Variants in DOCK4 observed in about 807,000 individuals in gnomAD.
DOCK4 encodes dedicator of cytokinesis protein 4.
A neutral mutation model predicts 268.1 loss-of-function variants in DOCK4; 97 were observed. The observed-to-expected ratio is 0.36, with a 90% CI of 0.31 to 0.43. The LOEUF (loss-of-function observed/expected upper bound fraction) is 0.43. Ranked by LOEUF, DOCK4 falls within the 20% of genes least tolerant of loss-of-function variation. The pLI, the probability that DOCK4 is intolerant of heterozygous loss-of-function variation, is 1.00. For missense variants in DOCK4, 2,145 were observed against 2,455.7 expected, an observed-to-expected ratio of 0.87 and a Z score of 2.67; for synonymous variants, 954 against 887.2, an observed-to-expected ratio of 1.08 and a Z score of -1.34.
At chr7:112,115,007 G>A (rs1563098493) in intron 1 of DOCK4, among the ~76,000 whole-genome samples, 1 of 152,052 alleles carries the variant, frequency 6.6e-6, no homozygotes, top group Non-Finnish European at 1.5e-5. Context: ...TTCCCAACAG[G>A]CCTGCCTCTC....
intron 37 of DOCK4, 109 bp from the exon 38 acceptor site, chr7:111,767,227 C>CA: frequency 1.1e-5 from 5 of 464,820 alleles, no homozygotes; most frequent in Non-Finnish European, 1.8e-5. Context: ...ACTCCTTAAT[C>CA]TTTTTTTTTT....
chr7:111,983,048 T>C (rs1162101760), intron 7 of DOCK4, among the ~76,000 whole-genome samples: 1 of 152,126 alleles, frequency 6.6e-6, no homozygotes, highest in Non-Finnish European at 1.5e-5. Flanking sequence ...TGTTTAGTAC[T>C]GATGTCATGA....
At chr7:111,809,272 T>G in intron 29 of DOCK4, 29 bp downstream of exon 29, 1 of 1,495,366 alleles carries the variant, frequency 6.7e-7, no homozygotes, top group Non-Finnish European at 9.1e-7. Context: ...GAGGCAACAT[T>G]TCTCACCTGA....
At chr7:112,010,660 C>G (rs972267222) in intron 1 of DOCK4, among the ~76,000 whole-genome samples, 2 of 152,200 alleles carry the variant, frequency 1.3e-5, no homozygotes. Flanking sequence ...ACACACCTTG[C>G]AGGCTCACCT....
At chr7:112,096,047 C>T (rs1382674145) in intron 1 of DOCK4, among the ~76,000 whole-genome samples, 1 of 152,136 alleles carries the variant, frequency 6.6e-6, no homozygotes, top group African/African-American at 2.4e-5. Flanking sequence ...TGAGATTGCA[C>T]CATTGCACTC....
rs763682163 is a variant in DOCK4 at position 111,984,408 on chromosome 7, A to C, written c.465-18T>G. 7.5e-6 allele frequency: 12 copies of C among 1,604,862 alleles called. No individual in the cohort carries two copies. The highest frequency in any genetic ancestry group is 9.4e-6 in the Non-Finnish European group (11 of 1,175,610). On this transcript the variant is annotated intron_variant, in intron 6 of 52. Coordinates refer to ENST00000428084, the MANE Select transcript of DOCK4 (RefSeq NM_001363540.2). Reference sequence around the variant, plus strand: ...CCAGTTGTCTAGAAAACAAATTGCAAAAGTTTGGGGGAAAAGTTACCTCCA... The same window carrying C: ...CCAGTTGTCTAGAAAACAAATTGCACAAGTTTGGGGGAAAAGTTACCTCCA...
chr7:112,097,417 T>G (rs144932589), intron 1 of DOCK4, among the ~76,000 whole-genome samples: 1 of 151,978 alleles, frequency 6.6e-6, no homozygotes, highest in Non-Finnish European at 1.5e-5. Flanking sequence ...CTACGTTTTT[T>G]TTTTTAAGTT....
At chr7:111,884,763 A>T (rs764268873) in intron 16 of DOCK4, among the ~76,000 whole-genome samples, 34 of 152,152 alleles carry the variant, frequency 2.2e-4, no homozygotes, top group Non-Finnish European at 4.9e-4. Flanking sequence ...ATAACACAGG[A>T]GCTTAGGAAC....
At chr7:112,023,283 C>T (rs550394209) in intron 1 of DOCK4, among the ~76,000 whole-genome samples, 3 of 152,264 alleles carry the variant, frequency 2.0e-5, no homozygotes, top group South Asian at 4.1e-4. Flanking sequence ...CTCTACAAAG[C>T]TGAGGGAAGC....
Position 111,929,076 on chromosome 7 carries a change from C to T in DOCK4, c.1066+6464G>A, listed in dbSNP as rs183536939. On this transcript the variant is annotated intron_variant, in intron 12 of 52. Coordinates refer to ENST00000428084, the MANE Select transcript of DOCK4 (RefSeq NM_001363540.2). ...ATGTCTGCAATTTGTTCTCAGGCAG[C>T]TCAGGAAAAGAAATGTATATATGTA... 2.6e-5 allele frequency among the ~76,000 whole-genome samples: 4 copies of T among 152,022 alleles called. No individual in the cohort carries two copies. The East Asian group carries it at 7.7e-4, about 29-fold the overall frequency.
At chr7:112,060,413 G>T (rs939189830) in intron 1 of DOCK4, among the ~76,000 whole-genome samples, 3 of 152,062 alleles carry the variant, frequency 2.0e-5, no homozygotes, top group African/African-American at 7.2e-5. Flanking sequence ...TAGTATAATG[G>T]TTCCTCAAAA....
intron 9 of DOCK4, 67 bp downstream of exon 9, chr7:111,945,650 T>C: frequency 7.6e-7 from 1 of 1,321,204 alleles, no homozygotes; most frequent in Non-Finnish European, 1.0e-6. Flanking sequence ...CAGTAATTTA[T>C]TTCTCCTAAA....
chr7:111,773,400 TA>T (rs1215070455), intron 36 of DOCK4, among the ~76,000 whole-genome samples: 2 of 152,104 alleles, frequency 1.3e-5, no homozygotes, highest in African/African-American at 4.8e-5. Context: ...GTAAACAAAT[TA>T]AAGAAAAAAG....
At chr7:112,053,620 C>G (rs550420279) in intron 1 of DOCK4, among the ~76,000 whole-genome samples, 8 of 152,194 alleles carry the variant, frequency 5.3e-5, no homozygotes, top group Non-Finnish European at 8.8e-5. Flanking sequence ...TGACAATACT[C>G]AACTTATAAA....
Position 111,918,285 on chromosome 7 carries a change from G to T in DOCK4, c.1067-2381C>A, listed in dbSNP as rs1012633714. ...AGAGCTGTCGCGAGAATTACATTAAGTCTGGCACATCCTCAGAACTTCAAA... is the reference window on the plus strand; with the variant it reads ...AGAGCTGTCGCGAGAATTACATTAATTCTGGCACATCCTCAGAACTTCAAA... On this transcript the variant is annotated intron_variant, in intron 12 of 52. Transcript: ENST00000428084. 3.9e-5 allele frequency among the ~76,000 whole-genome samples: 6 copies of T among 152,254 alleles called. No individual in the cohort carries two copies. The East Asian group carries it at 7.7e-4, about 20-fold the overall frequency.
intron 8 of DOCK4, among the ~76,000 whole-genome samples, chr7:111,963,424 C>T (rs1323418031): frequency 1.6e-5 from 2 of 123,114 alleles, no homozygotes; most frequent in Non-Finnish European, 3.2e-5. Context: ...AGTTCCCTTT[C>T]TGAGTCAAAG....
intron 30 of DOCK4, among the ~76,000 whole-genome samples, chr7:111,792,213 C>T (rs1301289036): frequency 6.6e-6 from 1 of 152,242 alleles, no homozygotes; most frequent in African/African-American, 2.4e-5. Context: ...CAAGAGCTAA[C>T]CTTCAGCATC....
chr7:111,975,608 C>G (rs1798100444), intron 8 of DOCK4, among the ~76,000 whole-genome samples: 1 of 152,116 alleles, frequency 6.6e-6, no homozygotes, highest in Non-Finnish European at 1.5e-5. Flanking sequence ...AAAGTAGATT[C>G]TAAAACTGTA....
chr7:111,927,049 CTAAGT>C (rs1242791654), intron 12 of DOCK4, among the ~76,000 whole-genome samples: 5 of 152,154 alleles, frequency 3.3e-5, no homozygotes, highest in Admixed American at 1.3e-4. Flanking sequence ...CTTCTTTAAA[CTAAGT>C]TAAGTCTTAA....
Sources: allele counts gnomAD v4.1 joint callset (sites outside exome capture counted in the v4.1 genomes callset), GRCh38; gene constraint gnomAD v4.1.1; transcripts MANE v1.5; gene names NCBI Gene and HGNC (gene_info 2026-07-23, HGNC 2026-07-21).